PTPRD: variants seen among roughly 807,000 people sequenced by gnomAD.
PTPRD encodes the protein protein tyrosine phosphatase receptor type D.
PTPRD carries 34 observed loss-of-function variants against 214.5 expected under a neutral mutation model. The ratio of observed to expected loss-of-function variants is 0.16; its 90% CI spans 0.12 to 0.21. The LOEUF is 0.21. PTPRD is among the 10% of genes least tolerant of loss of function. The pLI, the probability that PTPRD is intolerant of heterozygous loss-of-function variation, is 1.00. For missense variants in PTPRD, 2,545 were observed against 2,398.7 expected (o/e 1.06, Z -1.27); for synonymous variants, 1,128 against 845.7 (o/e 1.33, Z -5.79).
intron 44 of PTPRD, among the ~76,000 whole-genome samples, chr9:8,324,049 C>T (rs1831079110): frequency 6.6e-6 from 1 of 152,020 alleles, no homozygotes; most frequent in Non-Finnish European, 1.5e-5. Flanking sequence ...GAGGCAAGAC[C>T]CTCAACCAGC....
intron 12 of PTPRD, among the ~76,000 whole-genome samples, chr9:8,681,074 G>C (rs576061270): frequency 6.6e-6 from 1 of 152,066 alleles, no homozygotes; most frequent in Non-Finnish European, 1.5e-5. Context: ...GACTTTGTTA[G>C]TGCCCTCAAG....
intron 10 of PTPRD, among the ~76,000 whole-genome samples, chr9:9,174,368 T>C (rs2099923328): frequency 1.3e-5 from 2 of 152,282 alleles, no homozygotes; most frequent in Admixed American, 1.3e-4. Flanking sequence ...GAGACAGAAA[T>C]CATCACAACT....
chr9:9,146,196 T>G (rs1044318815), intron 10 of PTPRD, among the ~76,000 whole-genome samples: 1 of 152,214 alleles, frequency 6.6e-6, no homozygotes, highest in East Asian at 1.9e-4. Flanking sequence ...TGATTTAGAT[T>G]GTTTATTCGT....
chr9:9,573,234 T>A (rs897879683), intron 8 of PTPRD, among the ~76,000 whole-genome samples: 3 of 151,496 alleles, frequency 2.0e-5, no homozygotes, highest in African/African-American at 7.3e-5. Context: ...AACAAAGCAA[T>A]ACCTACTGTA....
chr9:9,756,268 C>G (rs1306102919), intron 6 of PTPRD, among the ~76,000 whole-genome samples: 1 of 152,090 alleles, frequency 6.6e-6, no homozygotes, highest in African/African-American at 2.4e-5. Context: ...AAGACAAAGT[C>G]TATGGTTTCT....
At chr9:10,163,035 A>G (rs1393645447) in intron 3 of PTPRD, among the ~76,000 whole-genome samples, 1 of 151,014 alleles carries the variant, frequency 6.6e-6, no homozygotes, top group African/African-American at 2.4e-5. Flanking sequence ...ATATAGAGAG[A>G]AAGAGAAAAA....
intron 5 of PTPRD, among the ~76,000 whole-genome samples, chr9:9,927,589 T>C (rs1324393716): frequency 6.6e-6 from 1 of 152,266 alleles, no homozygotes. Flanking sequence ...ACTAATAGTA[T>C]AGTTATGTAA....
intron 10 of PTPRD, among the ~76,000 whole-genome samples, chr9:9,182,712 C>T (rs986678082): frequency 6.6e-6 from 1 of 151,874 alleles, no homozygotes; most frequent in African/African-American, 2.4e-5. Context: ...TGTAATGAAA[C>T]AAAGCTGTGT....
chr9:10,257,943 G>C (rs75575072), intron 3 of PTPRD, among the ~76,000 whole-genome samples: 1 of 152,146 alleles, frequency 6.6e-6, no homozygotes, highest in Non-Finnish European at 1.5e-5. Flanking sequence ...AGAAGAAAGC[G>C]GGTGTGTGTT....
intron 3 of PTPRD, among the ~76,000 whole-genome samples, chr9:10,079,105 T>C (rs1271056494): frequency 6.6e-6 from 1 of 152,144 alleles, no homozygotes; most frequent in African/African-American, 2.4e-5. Flanking sequence ...AAATGTCCTC[T>C]TAAGAGACCA....
chr9:10,516,898 C>T lies in PTPRD; in HGVS notation c.-600+95500G>A, dbSNP rs996085973. ...AGTTGACCAATCATGCGTGCTTTCACTTCTGGATTTGCTATTCTATTTCAT... is the reference window on the plus strand; with the variant it reads ...AGTTGACCAATCATGCGTGCTTTCATTTCTGGATTTGCTATTCTATTTCAT... On this transcript the variant is annotated intron_variant, in intron 2 of 45. Transcript: ENST00000381196. Among the ~76,000 whole-genome samples the T allele has an allele frequency of 5.3e-5, 8 of 151,782 alleles. No individual in the cohort carries two copies. The South Asian group carries it at 1.0e-3, about 20-fold the overall frequency.
At chr9:8,495,255 T>C (rs2097237471) in intron 26 of PTPRD, among the ~76,000 whole-genome samples, 1 of 152,178 alleles carries the variant, frequency 6.6e-6, no homozygotes, top group African/African-American at 2.4e-5. Context: ...CTTACTTCCA[T>C]ATTTTAATGA....
chr9:9,926,466 C>G (rs560988254), intron 5 of PTPRD, among the ~76,000 whole-genome samples: 1 of 151,890 alleles, frequency 6.6e-6, no homozygotes. Flanking sequence ...GGACTCAGAT[C>G]TTGGAACGAT....
At chr9:9,066,398 G>A (rs1027451155) in intron 10 of PTPRD, among the ~76,000 whole-genome samples, 3 of 151,776 alleles carry the variant, frequency 2.0e-5, no homozygotes, top group Non-Finnish European at 4.4e-5. Flanking sequence ...GGTAGTCTGT[G>A]TTTTTCTAAA....
In PTPRD at chr9:8,548,089, G is replaced by C. The variant is rs545139088; in HGVS notation, c.353-19310C>G. ...ATTTTGCTGGAGACCAGAGAAGGTA[G>C]ATCTAAGAGCATGAATATAATTTTG... On this transcript the variant is annotated intron_variant, in intron 14 of 45. Coordinates refer to ENST00000381196, the MANE Select transcript of PTPRD (RefSeq NM_002839.4). Among the ~76,000 whole-genome samples the C allele has an allele frequency of 2.0e-5, 3 of 152,320 alleles. No homozygotes were observed. The South Asian group carries it at 6.2e-4, about 32-fold the overall frequency.
intron 36 of PTPRD, among the ~76,000 whole-genome samples, chr9:8,398,180 ATATT>A (rs1198046538): frequency 1.3e-5 from 2 of 152,150 alleles, no homozygotes; most frequent in African/African-American, 4.8e-5. Flanking sequence ...ACAATTCCCA[ATATT>A]TATTATGTAT....
intron 5 of PTPRD, among the ~76,000 whole-genome samples, chr9:9,804,057 T>C (rs1042571699): frequency 3.9e-5 from 6 of 152,044 alleles, no homozygotes; most frequent in Admixed American, 2.6e-4. Context: ...AGTGTGTGAG[T>C]TATTTTTTTT....
chr9:10,060,894 TTCC>T lies in PTPRD; in HGVS notation c.-544-27107_-544-27105del, dbSNP rs1567407654. On this transcript the variant is annotated intron_variant, in intron 3 of 45. Coordinates refer to ENST00000381196, the MANE Select transcript of PTPRD (RefSeq NM_002839.4). ...TTTCCTTCCTTCCTTCCTTCCTTCC[TTCC>T]TTCTTTCTTTCTTTCTTTCTTTCTT... 8.4e-4 allele frequency among the ~76,000 whole-genome samples: 67 copies of T among 80,156 alleles called. 4 individuals carry two copies. The highest frequency in any genetic ancestry group is 9.8e-3 in the Middle Eastern group (2 of 204). The allele number at this position is 80,156 out of a possible 152,430, so 52.6% of individuals were successfully genotyped here. A position where few individuals can be genotyped will look rare whatever the true frequency, so the allele number is the denominator to read the frequency against.
intron 7 of PTPRD, among the ~76,000 whole-genome samples, chr9:9,597,192 G>A (rs677723): frequency 0.39 from 58,811 of 151,770 alleles, 11,859 homozygotes; most frequent in Non-Finnish European, 0.43. Context: ...CCTTAAAACA[G>A]AAAGTGGATA....
Sources: allele counts gnomAD v4.1 joint callset (sites outside exome capture counted in the v4.1 genomes callset), GRCh38; gene constraint gnomAD v4.1.1; transcripts MANE v1.5; gene names NCBI Gene and HGNC (gene_info 2026-07-23, HGNC 2026-07-21).